Variants in DLG1 observed in about 807,000 individuals in gnomAD.
DLG1 encodes the protein discs large MAGUK scaffold protein 1, also known as disks large homolog 1.
DLG1 carries 42 observed loss-of-function variants against 123.4 expected under a neutral mutation model. The observed-to-expected ratio is 0.34, with a 90% CI of 0.27 to 0.44. The LOEUF (loss-of-function observed/expected upper bound fraction) is 0.44, where lower values mean the gene tolerates loss of function less well. DLG1 is among the 20% of genes least tolerant of loss of function. DLG1 has a pLI of 1.00. For synonymous variants in DLG1, 317 were observed against 356.2 expected, an observed-to-expected ratio of 0.89 and a Z score of 1.24; for missense variants, 942 against 1,082.6, an observed-to-expected ratio of 0.87 and a Z score of 1.82.
chr3:197,133,376 A>G (rs1003785267), intron 10 of DLG1, among the ~76,000 whole-genome samples: 1 of 152,214 alleles, frequency 6.6e-6, no homozygotes, highest in Non-Finnish European at 1.5e-5. Context: ...CATATGTGTC[A>G]GCCAACCTAA....
intron 12 of DLG1, among the ~76,000 whole-genome samples, chr3:197,117,836 G>C (rs901078329): frequency 6.6e-6 from 1 of 151,962 alleles, no homozygotes; most frequent in African/African-American, 2.4e-5. Flanking sequence ...TATATATTTC[G>C]CTACAATTTT....
intron 14 of DLG1, among the ~76,000 whole-genome samples, chr3:197,092,555 C>G (rs754302553): frequency 1.8e-4 from 27 of 152,170 alleles, no homozygotes; most frequent in Non-Finnish European, 3.4e-4. Flanking sequence ...GGCTGGACTA[C>G]AGTGGCACAA....
At position 197,108,850 on chromosome 3, in the gene DLG1, A is replaced by G. The variant is rs531850618; in HGVS notation, c.1444-3845T>C. On this transcript the variant is annotated intron_variant, in intron 13 of 24. Coordinates refer to ENST00000667157, the MANE Select transcript of DLG1 (RefSeq NM_001366207.1). ...TTTGGCCTTTTAACTGGAGTGCTTAATCTGTTTATATTTAATATAATTACT... is the reference window on the plus strand; with the variant it reads ...TTTGGCCTTTTAACTGGAGTGCTTAGTCTGTTTATATTTAATATAATTACT... 6.6e-4 allele frequency among the ~76,000 whole-genome samples: 100 copies of G among 152,216 alleles called. 2 individuals are homozygous for G. Among genetic ancestry groups the G allele is most frequent in the Non-Finnish European group, 5.7e-4 (39 of 68,028 alleles).
intron 23 of DLG1, among the ~76,000 whole-genome samples, chr3:197,057,566 C>G (rs184665253): frequency 2.0e-5 from 3 of 151,622 alleles, no homozygotes; most frequent in Non-Finnish European, 4.4e-5. Context: ...AATCTGCACC[C>G]CTAACACTGT....
rs765108328 is a variant in DLG1 at position 197,194,565 on chromosome 3, T to C, written c.343A>G (p.Thr115Ala). The C allele has an allele frequency of 2.5e-6, 4 of 1,600,302 alleles. No individual in the cohort carries two copies. The South Asian group carries it at 4.6e-5, about 18-fold the overall frequency. Residue 115 changes from threonine to alanine, a missense_variant, in exon 5 of 25, where the codon ACA becomes GCA. Transcript: ENST00000667157. ...VEKYRYQDED[T>A]PPQEHISPQI... is the part of the protein sequence containing the mutation. ...GGGGAAATATGCTCTTGAGGAGGTG[T>C]ATCTTCATCCTGATACCTGTATTTC...
intron 4 of DLG1, among the ~76,000 whole-genome samples, chr3:197,258,979 T>G (rs150261243): frequency 1.6e-3 from 236 of 152,226 alleles, no homozygotes; most frequent in Middle Eastern, 3.4e-3. Flanking sequence ...TTAAGCAAAA[T>G]AGACCCTCTT....
At chr3:197,265,530 G>A (rs1323993425) in intron 4 of DLG1, among the ~76,000 whole-genome samples, 2 of 152,158 alleles carry the variant, frequency 1.3e-5, no homozygotes, top group African/African-American at 4.8e-5. Context: ...AAAGGAGAGA[G>A]CGGGACAGAA....
At chr3:197,129,424 T>C (rs1781397734) in intron 11 of DLG1, among the ~76,000 whole-genome samples, 1 of 152,244 alleles carries the variant, frequency 6.6e-6, no homozygotes, top group Non-Finnish European at 1.5e-5. Flanking sequence ...GGTCTTGTTC[T>C]GGATTAGGCT....
chr3:197,164,890 C>A (rs2149946750), intron 5 of DLG1, among the ~76,000 whole-genome samples: 1 of 151,360 alleles, frequency 6.6e-6, no homozygotes, highest in South Asian at 2.1e-4. Flanking sequence ...CGCCACTGTA[C>A]TCCAGCCTGG....
At chr3:197,156,990 T>A (rs553321886) in intron 5 of DLG1, among the ~76,000 whole-genome samples, 109 of 152,294 alleles carry the variant, frequency 7.2e-4, no homozygotes, top group African/African-American at 2.6e-3. Flanking sequence ...TCTTCTCAAG[T>A]GCACATGGGA....
intron 4 of DLG1, among the ~76,000 whole-genome samples, chr3:197,271,585 C>T (rs955474885): frequency 1.3e-5 from 2 of 152,236 alleles, no homozygotes; most frequent in African/African-American, 4.8e-5. Flanking sequence ...GTACTGACAC[C>T]TAACAATCAA....
chr3:197,075,859 G>A (rs981259030), intron 18 of DLG1: 20 of 1,611,934 alleles, frequency 1.2e-5, no homozygotes, highest in African/African-American at 5.3e-5. Flanking sequence ...ATCCCATGTC[G>A]TCAGGGATCT....
At chr3:197,179,227 A>G (rs1357219897) in intron 5 of DLG1, among the ~76,000 whole-genome samples, 1 of 152,154 alleles carries the variant, frequency 6.6e-6, no homozygotes, top group Admixed American at 6.6e-5. Flanking sequence ...AGGATCTAAA[A>G]ATAGTCCTCA....
chr3:197,055,298 CT>C (rs1365030863), intron 23 of DLG1, among the ~76,000 whole-genome samples: 1 of 152,152 alleles, frequency 6.6e-6, no homozygotes, highest in African/African-American at 2.4e-5. Flanking sequence ...CATTTAGTAT[CT>C]TGTTTTACAG....
At chr3:197,182,091 T>C (rs1712477590) in intron 5 of DLG1, among the ~76,000 whole-genome samples, 1 of 152,112 alleles carries the variant, frequency 6.6e-6, no homozygotes, top group South Asian at 2.1e-4. Context: ...TAGTGTTATC[T>C]GTGCATACAT....
intron 5 of DLG1, among the ~76,000 whole-genome samples, chr3:197,163,444 C>CA (rs1799655072): frequency 6.6e-6 from 1 of 151,800 alleles, no homozygotes; most frequent in Non-Finnish European, 1.5e-5. Flanking sequence ...ACACAACAGT[C>CA]AAAAGGCGGA....
chr3:197,045,691 C>A (rs7610992), intron 24 of DLG1, among the ~76,000 whole-genome samples: 48,383 of 151,986 alleles, frequency 0.32, 9,658 homozygotes, highest in East Asian at 0.72. Context: ...CTGCAGTGAG[C>A]TATGATCGTA....
At chr3:197,075,162 T>A (rs930442187) in intron 18 of DLG1, among the ~76,000 whole-genome samples, 1 of 151,898 alleles carries the variant, frequency 6.6e-6, no homozygotes, top group African/African-American at 2.4e-5. Flanking sequence ...GTCTTCTACA[T>A]ACTAGACCCT....
intron 15 of DLG1, among the ~76,000 whole-genome samples, chr3:197,090,380 C>A (rs892613972): frequency 1.3e-5 from 2 of 151,126 alleles, no homozygotes; most frequent in Non-Finnish European, 2.9e-5. Context: ...TGCCACTTAA[C>A]CTTTATATAT....
Sources: gnomAD v4.1 joint callset for allele counts (sites outside exome capture counted in the v4.1 genomes callset) on GRCh38, gnomAD v4.1.1 for gene constraint, MANE v1.5 for transcripts, NCBI Gene and HGNC (gene_info 2026-07-23, HGNC 2026-07-21) for gene names.